SLC14A2: variants seen among roughly 807,000 people sequenced by gnomAD.
The protein encoded by SLC14A2 is solute carrier family 14 member 2, also known as urea transporter 2.
In SLC14A2, 91 loss-of-function variants were observed where a neutral mutation model predicts 104.6. The ratio of observed to expected loss-of-function variants is 0.87; its 90% CI spans 0.73 to 1.04. The LOEUF (loss-of-function observed/expected upper bound fraction) is 1.04, where lower values mean the gene tolerates loss of function less well. SLC14A2 is among the 50% of genes least tolerant of loss of function. SLC14A2 has a pLI of 0.00. For synonymous variants in SLC14A2, 476 were observed against 466.4 expected, an observed-to-expected ratio of 1.02 and a Z score of -0.27; for missense variants, 1,189 against 1,156.0, an observed-to-expected ratio of 1.03 and a Z score of -0.41.
chr18:45,460,921 TTGTTTGG>T (rs1214030914), intron 1 of SLC14A2, among the ~76,000 whole-genome samples: 1 of 152,196 alleles, frequency 6.6e-6, no homozygotes, highest in Non-Finnish European at 1.5e-5. Context: ...TTTATTTGAC[TTGTTTGG>T]TGAAGCTGAG....
At chr18:45,277,125 G>C (rs1481283209) in intron 1 of SLC14A2, among the ~76,000 whole-genome samples, 1 of 152,156 alleles carries the variant, frequency 6.6e-6, no homozygotes, top group Non-Finnish European at 1.5e-5. Flanking sequence ...TTGACACTTA[G>C]CACTTGAATT....
the SLC14A2 span, among the ~76,000 whole-genome samples, chr18:45,171,263 G>A: frequency 6.6e-6 from 1 of 152,060 alleles, no homozygotes; most frequent in Non-Finnish European, 1.5e-5. Flanking sequence ...GACAACTCTA[G>A]TCAGGGGAGA....
At chr18:45,264,390 A>G (rs1270212996) in intron 1 of SLC14A2, among the ~76,000 whole-genome samples, 1 of 152,220 alleles carries the variant, frequency 6.6e-6, no homozygotes, top group Non-Finnish European at 1.5e-5. Context: ...TTTCAGAATT[A>G]TTAACCCATA....
chr18:45,331,112 C>A (rs2085285283), intron 1 of SLC14A2, among the ~76,000 whole-genome samples: 1 of 152,162 alleles, frequency 6.6e-6, no homozygotes, highest in Non-Finnish European at 1.5e-5. Context: ...TATATGACAC[C>A]ATTCAACCCA....
chr18:45,430,895 T>C (rs1260625837), intron 1 of SLC14A2, among the ~76,000 whole-genome samples: 1 of 152,160 alleles, frequency 6.6e-6, no homozygotes, highest in Non-Finnish European at 1.5e-5. Context: ...ATGACTGGAA[T>C]GGACACCCAG....
upstream of SLC14A2, among the ~76,000 whole-genome samples, chr18:45,612,357 T>A (rs746999723): frequency 6.6e-6 from 1 of 152,236 alleles, no homozygotes; most frequent in Non-Finnish European, 1.5e-5. Flanking sequence ...TCTTAGAACA[T>A]GCAGAATAGC....
chr18:45,202,109 A>G, the SLC14A2 span, among the ~76,000 whole-genome samples: 4 of 152,168 alleles, frequency 2.6e-5, no homozygotes, highest in South Asian at 8.3e-4. Flanking sequence ...TTAATAAGCT[A>G]TTGTTGCTGG....
At chr18:45,567,293 T>C (rs1251470216) in intron 2 of SLC14A2, among the ~76,000 whole-genome samples, 1 of 152,062 alleles carries the variant, frequency 6.6e-6, no homozygotes, top group Non-Finnish European at 1.5e-5. Flanking sequence ...CCACCCTTCC[T>C]AAGCTGAGAT....
At chr18:45,610,458 A>G (rs1239551611) in intron 2 of SLC14A2, among the ~76,000 whole-genome samples, 2 of 152,214 alleles carry the variant, frequency 1.3e-5, no homozygotes, top group Admixed American at 1.3e-4. Context: ...CCCGGTCATC[A>G]GCATTTTTTA....
At position 45,262,874 on chromosome 18, in the gene SLC14A2, G is replaced by A. The variant is rs563017132; in HGVS notation, c.-125+49683G>A. Among the ~76,000 whole-genome samples the A allele has an allele frequency of 1.4e-3, 215 of 152,284 alleles. 2 individuals are homozygous for A. The highest frequency in any genetic ancestry group is 5.0e-3 in the African/African-American group (206 of 41,558). ...GACCTTGATCATGGCTTTAAACTTT[G>A]TATTTTGAAAGAATTTTGGACTTAC... On this transcript the variant is annotated intron_variant, in intron 1 of 20. Transcript: ENST00000586448.
At chr18:45,516,753 T>C (rs2043447021) in intron 2 of SLC14A2, among the ~76,000 whole-genome samples, 1 of 152,224 alleles carries the variant, frequency 6.6e-6, no homozygotes, top group Non-Finnish European at 1.5e-5. Flanking sequence ...TTGTATCTGA[T>C]GCTATAAGTA....
chr18:45,666,488 A>T (rs962604251), intron 12 of SLC14A2, among the ~76,000 whole-genome samples: 3 of 152,164 alleles, frequency 2.0e-5, no homozygotes, highest in African/African-American at 7.2e-5. Context: ...GCCTGTTTTC[A>T]AAAACAGAAT....
chr18:45,386,149 G>A (rs1194876740), intron 1 of SLC14A2, among the ~76,000 whole-genome samples: 1 of 152,288 alleles, frequency 6.6e-6, no homozygotes, highest in Non-Finnish European at 1.5e-5. Context: ...AGTGATGGTG[G>A]TGAGTTATTC....
In SLC14A2 at chr18:45,672,934, T is replaced by A. The variant is rs1404003366; in HGVS notation, c.2264T>A (p.Val755Glu). ...GCCATCCCCGTTGGAATTGGCCAAG[T>A]GTACGGCTGTGATAACCCCTGGACT... Reference protein sequence around the residue: ...LRAIPVGIGQVYGCDNPWTGG... With the variant: ...LRAIPVGIGQEYGCDNPWTGG... The change falls in exon 17 of 20, where the codon GTG becomes GAG. Residue 755 changes from valine (V) to glutamate (E), a missense_variant. Coordinates refer to ENST00000255226, the MANE Select transcript of SLC14A2 (RefSeq NM_007163.4). 5.0e-6 allele frequency: 8 copies of A among 1,614,006 alleles called. No homozygotes were observed. The African/African-American group carries it at 6.7e-5, about 13-fold the overall frequency.
At chr18:45,528,803 T>G (rs938370078) in intron 2 of SLC14A2, 1 of 152,250 alleles carries the variant, frequency 6.6e-6, no homozygotes, top group African/African-American at 2.4e-5. Flanking sequence ...CCTTTCCCTA[T>G]GTGCTCCTAT....
intron 2 of SLC14A2, among the ~76,000 whole-genome samples, chr18:45,510,796 G>A (rs557034247): frequency 1.3e-4 from 20 of 152,308 alleles, no homozygotes; most frequent in Admixed American, 1.2e-3. Flanking sequence ...ACACAGCAGA[G>A]CAGCATTTCC....
At chr18:45,379,574 T>C (rs1443313836) in intron 1 of SLC14A2, among the ~76,000 whole-genome samples, 5 of 152,192 alleles carry the variant, frequency 3.3e-5, no homozygotes, top group African/African-American at 1.2e-4. Context: ...GGTTCCCAAA[T>C]CTGGGTGAAA....
chr18:45,412,028 A>G (rs1304606073), intron 1 of SLC14A2, among the ~76,000 whole-genome samples: 1 of 152,168 alleles, frequency 6.6e-6, no homozygotes, highest in Non-Finnish European at 1.5e-5. Context: ...CCTGGCACTT[A>G]TTTAATCAGT....
At chr18:45,302,042 C>A (rs1455852533) in intron 1 of SLC14A2, among the ~76,000 whole-genome samples, 2 of 152,164 alleles carry the variant, frequency 1.3e-5, no homozygotes, top group African/African-American at 4.8e-5. Flanking sequence ...GCAAGGCCAC[C>A]TTGTTTGGTA....
Sources: gnomAD v4.1 joint callset for allele counts (sites outside exome capture counted in the v4.1 genomes callset) on GRCh38, gnomAD v4.1.1 for gene constraint, MANE v1.5 for transcripts, NCBI Gene and HGNC (gene_info 2026-07-23, HGNC 2026-07-21) for gene names.